The following CTU2 variants were observed in gnomAD, a reference collection of about 807,000 sequenced individuals.
The protein encoded by CTU2 is cytoplasmic tRNA 2-thiolation protein 2.
In CTU2, 80 loss-of-function variants were observed where a neutral mutation model predicts 64.1. The ratio of observed to expected loss-of-function variants is 1.25; its 90% CI spans 1.04 to 1.50. The LOEUF (loss-of-function observed/expected upper bound fraction) is 1.50, where lower values mean the gene tolerates loss of function less well. Ranked by LOEUF, CTU2 falls within the 40% of genes most tolerant of loss-of-function variation. The pLI is 0.00. For synonymous variants in CTU2, 482 were observed against 285.3 expected, an observed-to-expected ratio of 1.69 and a Z score of -6.95; for missense variants, 1,110 against 690.2, an observed-to-expected ratio of 1.61 and a Z score of -6.81.
Position 88,712,577 on chromosome 16 carries a change from C to T in CTU2, c.454-45C>T, listed in dbSNP as rs1053108849. The T allele has an allele frequency of 1.9e-6, 3 of 1,588,206 alleles. No individual in the cohort carries two copies. The African/African-American group carries it at 4.0e-5, about 21-fold the overall frequency. ...AGGTGGGGCTGTCTGTGGGGGGCACCTGCCCGTGTCCCGGGCCTCACTGGC... is the reference window on the plus strand; with the variant it reads ...AGGTGGGGCTGTCTGTGGGGGGCACTTGCCCGTGTCCCGGGCCTCACTGGC... On this transcript the variant is annotated intron_variant, in intron 6 of 14. Transcript: ENST00000453996.
At chr16:88,710,623 AG>A (rs1911247760) in intron 4 of CTU2, 1 of 306,082 alleles carries the variant, frequency 3.3e-6, no homozygotes, top group Admixed American at 4.9e-5. Context: ...GCCCACTCTC[AG>A]ATGTGTTTAC....
intron 2 of CTU2, among the ~76,000 whole-genome samples, chr16:88,708,685 G>A (rs1348146961): frequency 2.0e-5 from 3 of 152,110 alleles, no homozygotes; most frequent in African/African-American, 7.2e-5. Flanking sequence ...CCTCTTGTAC[G>A]TGGTATCCAT....
At chr16:88,708,592 C>T (rs915503914) in intron 2 of CTU2, among the ~76,000 whole-genome samples, 6 of 152,160 alleles carry the variant, frequency 3.9e-5, no homozygotes, top group East Asian at 1.9e-4. Flanking sequence ...TTGCCAGTTA[C>T]CTGCAGTCCC....
chr16:88,707,035 C>G, intron 1 of CTU2, 101 bp from the exon 2 acceptor site: 2 of 1,215,038 alleles, frequency 1.6e-6, no homozygotes, highest in Non-Finnish European at 2.4e-6. Flanking sequence ...TTTCTCTGAC[C>G]CAACTCAGGG....
rs1479697824 is a variant in CTU2, at chr16:88,714,166, A to T, written c.1036A>T (p.Met346Leu). Reference sequence around the variant, plus strand: ...TGAAAAGGCCAGCATCCACCGGCTGATGGAGGCCTTCATCCTCAGGCTGCA... The same window carrying T: ...TGAAAAGGCCAGCATCCACCGGCTGTTGGAGGCCTTCATCCTCAGGCTGCA... ...APEKASIHRLMEAFILRLQTQ... is the reference protein window; with the variant it reads ...APEKASIHRLLEAFILRLQTQ... The change falls in exon 10 of 15, where the codon ATG becomes TTG. Residue 346 changes from methionine to leucine, a missense_variant. By Grantham distance (15) the Met-to-Leu change is conservative (BLOSUM62 2). Transcript: ENST00000453996. 1 of 1,612,578 alleles carries T rather than the reference A, an allele frequency of 6.2e-7. No individual in the cohort carries two copies. Among genetic ancestry groups the T allele is most frequent in the Admixed American group, 1.7e-5 (1 of 60,002 alleles).
rs1567643215 is a variant in CTU2, at chr16:88,706,554, C to T, written c.24C>T (p.Tyr8=). Residue 8 remains tyrosine (Y), a synonymous_variant, in exon 1 of 15, where the codon TAC becomes TAT. Transcript: ENST00000453996. The part of the protein sequence containing the change: MCQVGED[Y]GEPAPEEPPP... ...CCATGTGTCAGGTGGGCGAGGACTA[C>T]GGGGAGCCGGCGCCTGAGGAGCCGC... is the stretch of plus-strand genomic sequence containing the variant. The T allele has an allele frequency of 4.8e-6, 7 of 1,459,450 alleles. No homozygotes were observed. Among genetic ancestry groups the T allele is most frequent in the South Asian group, 1.3e-5 (1 of 76,264 alleles). The allele number at this position is 1,459,450 out of a possible 1,614,324, so 90.4% of individuals were successfully genotyped here. A position where few individuals can be genotyped will look rare whatever the true frequency, so the allele number is the denominator to read the frequency against.
rs1910848322 is a variant in CTU2 at position 88,706,573 on chromosome 16, G to A, written c.43G>A (p.Glu15Lys). 2 of 1,456,058 alleles carry A rather than the reference G, an allele frequency of 1.4e-6. No homozygotes were observed. Among genetic ancestry groups the A allele is most frequent in the African/African-American group, 1.5e-5 (1 of 67,428 alleles). 90.2% of individuals were successfully genotyped at this position (1,456,058 alleles called of 1,614,324 possible). ...GGACTACGGGGAGCCGGCGCCTGAG[G>A]AGCCGCCCCCGGCGCCGCGGCCCAG... ...GEDYGEPAPE[E>K]PPPAPRPSRE... Residue 15 changes from glutamate (E) to lysine (K), a missense_variant, in exon 1 of 15, where the codon GAG (glutamate) becomes AAG (lysine). Physicochemically the swap from Glu to Lys is moderately conservative, Grantham distance 56. Transcript: ENST00000453996.
chr16:88,714,623 G>C lies in CTU2; in HGVS notation c.1238G>C (p.Arg413Pro). The C allele has an allele frequency of 6.2e-7, 1 of 1,612,596 alleles. No homozygotes were observed. The highest frequency in any genetic ancestry group is 8.5e-7 in the Non-Finnish European group (1 of 1,179,886). The change falls in exon 12 of 15, where the codon CGT becomes CCT. Residue 413 changes from arginine (R) to proline (P), a missense_variant. Arg to Pro is a moderately radical substitution (Grantham distance 103). Coordinates refer to ENST00000453996, the MANE Select transcript of CTU2 (RefSeq NM_001012759.3). ...ATAFGAQTSS[R>P]LSQMQSPIPL... ...GCTTTTGGGGCTCAGACCTCCTCGCGTCTCTCCCAGATGCAGTCACCCATC... is the reference window on the plus strand; with the variant it reads ...GCTTTTGGGGCTCAGACCTCCTCGCCTCTCTCCCAGATGCAGTCACCCATC...
rs368218174 is a variant in CTU2, at chr16:88,714,474, G to A, written c.1189G>A (p.Val397Ile). Residue 397 changes from valine to isoleucine, a missense_variant, in exon 11 of 15, where the codon GTC (valine) becomes ATC (isoleucine). Physicochemically the swap from Val to Ile is conservative, Grantham distance 29. Transcript: ENST00000453996. ...RCLLCMCALD[V>I]DAADSATAFG... ...CCTCCTCTGCATGTGTGCCCTGGAC[G>A]TCGACGCCGCTGGTCTGTGTTTCAT... The A allele has an allele frequency of 4.3e-5, 70 of 1,612,522 alleles. 1 individual carries two copies. The highest frequency in any genetic ancestry group is 2.0e-4 in the South Asian group (18 of 91,088).
intron 12 of CTU2, 45 bp downstream of exon 12, chr16:88,714,782 G>A: frequency 2.5e-6 from 4 of 1,607,646 alleles, no homozygotes; most frequent in Non-Finnish European, 3.4e-6. Flanking sequence ...CATGGGGCGG[G>A]AGGGGGACCT....
rs769097469 is a variant in CTU2 at position 88,707,086 on chromosome 16, G to A, written c.69-50G>A. 4.5e-5 allele frequency: 71 copies of A among 1,588,198 alleles called. No homozygotes were observed. The African/African-American group carries it at 8.5e-4, about 19-fold the overall frequency. ...GTCTCCCCAAAGCCCACTAGGCGTG[G>A]GGAAGATGTGATCTGTGTTTCTCTC... On this transcript the variant is annotated intron_variant, in intron 1 of 14. Transcript: ENST00000453996.
At chr16:88,714,346 G>T in intron 10 of CTU2, 37 bp from the exon 11 acceptor site, 2 of 1,609,086 alleles carry the variant, frequency 1.2e-6, no homozygotes, top group Non-Finnish European at 1.7e-6. Flanking sequence ...GCCCCAGCCC[G>T]TGTGATTCAC....
rs1911331318 is a variant in CTU2 at position 88,711,675 on chromosome 16, CAGG to C, written c.326_328del (p.Gly109del). 3.1e-6 allele frequency: 5 copies of C among 1,608,520 alleles called. No homozygotes were observed. The highest frequency in any genetic ancestry group is 4.2e-6 in the Non-Finnish European group (5 of 1,176,684). ...TCTGCCAAAAGACTGCGCTTTGTGG[CAGG>C]AGTCATCTTTGTTGACGGTATGTGG... On this transcript the variant is annotated inframe_deletion, in exon 5 of 15. Transcript: ENST00000453996.
At position 88,711,665 on chromosome 16, in the gene CTU2, C is replaced by T. The variant is rs200593779; in HGVS notation, c.313C>T (p.Arg105Cys). 8.8e-5 allele frequency: 141 copies of T among 1,608,172 alleles called. 1 individual carries two copies. The highest frequency in any genetic ancestry group is 3.3e-4 in the Middle Eastern group (2 of 6,046). The change falls in exon 5 of 15, where the codon CGC becomes TGC. Residue 105 changes from arginine to cysteine, a missense_variant. Coordinates refer to ENST00000453996, the MANE Select transcript of CTU2 (RefSeq NM_001012759.3). The part of the protein sequence containing the change: ...GLSQDSAKRL[R>C]FVAGVIFVDE... Reference sequence around the variant, plus strand: ...GAGCCAAGATTCTGCCAAAAGACTGCGCTTTGTGGCAGGAGTCATCTTTGT... The same window carrying T: ...GAGCCAAGATTCTGCCAAAAGACTGTGCTTTGTGGCAGGAGTCATCTTTGT...
Position 88,714,567 on chromosome 16 carries a change from C to T in CTU2, c.1202-20C>T, listed in dbSNP as rs373363342. On this transcript the variant is annotated intron_variant, in intron 11 of 14. Transcript: ENST00000453996. ...GGGGCTCAGCAGCCCCAGGCTCCGT[C>T]ACCCCCTCTCTGCTTGCAGACAGTG... 1.9e-6 allele frequency: 3 copies of T among 1,612,658 alleles called. No homozygotes were observed. Among genetic ancestry groups the T allele is most frequent in the Non-Finnish European group, 2.5e-6 (3 of 1,179,874 alleles).
At chr16:88,713,860 A>T in intron 9 of CTU2, 82 bp downstream of exon 9, 1 of 1,561,056 alleles carries the variant, frequency 6.4e-7, no homozygotes, top group East Asian at 2.2e-5. Flanking sequence ...TCACAGGCTC[A>T]GGTCACCAGC....
intron 14 of CTU2, 35 bp from the exon 15 acceptor site, chr16:88,715,147 C>T (rs1305831482): frequency 2.5e-6 from 4 of 1,608,946 alleles, no homozygotes; most frequent in Admixed American, 3.4e-5. Flanking sequence ...GGTAAGGGGC[C>T]TCGGGGCTGG....
intron 2 of CTU2, chr16:88,708,883 A>G (rs1419282481): frequency 6.6e-6 from 1 of 152,152 alleles, no homozygotes; most frequent in Non-Finnish European, 1.5e-5. Context: ...ACCCCTAGAC[A>G]ATTTGACTTA....
At chr16:88,711,112 A>G (rs1911285836) in intron 4 of CTU2, among the ~76,000 whole-genome samples, 2 of 152,058 alleles carry the variant, frequency 1.3e-5, no homozygotes, top group South Asian at 4.2e-4. Flanking sequence ...GGATGGGCGC[A>G]TGGCACAACA....
Sources: allele counts gnomAD v4.1 joint callset (sites outside exome capture counted in the v4.1 genomes callset), GRCh38; gene constraint gnomAD v4.1.1; transcripts MANE v1.5; gene names NCBI Gene and HGNC (gene_info 2026-07-23, HGNC 2026-07-21).